MYO10: variants seen among roughly 807,000 people sequenced by gnomAD.
MYO10 encodes the protein myosin X, also known as unconventional myosin-X.
In MYO10, 133 loss-of-function variants were observed where a neutral mutation model predicts 257.3. That is an observed-to-expected ratio of 0.52 (90% CI 0.45 to 0.60). The LOEUF is 0.60. MYO10 is among the 20% of genes least tolerant of loss of function. The pLI, the probability that MYO10 is intolerant of heterozygous loss-of-function variation, is 0.00. For missense variants in MYO10, 2,399 were observed against 2,635.7 expected (o/e 0.91, Z 1.97); for synonymous variants, 1,104 against 1,028.6 (o/e 1.07, Z -1.40).
intron 2 of MYO10, among the ~76,000 whole-genome samples, chr5:16,852,678 A>G (rs1285762980): frequency 6.6e-6 from 1 of 151,838 alleles, no homozygotes; most frequent in Non-Finnish European, 1.5e-5. Flanking sequence ...CATACATGAG[A>G]AGCCCTCTTT....
intron 6 of MYO10, 29 bp from the exon 7 acceptor site, chr5:16,780,770 G>A (rs1209808613): frequency 1.3e-6 from 2 of 1,560,858 alleles, no homozygotes; most frequent in Middle Eastern, 2.1e-4. Flanking sequence ...GGCAAGTCAA[G>A]GAAAAAAACA....
intron 33 of MYO10, 70 bp downstream of exon 33, chr5:16,679,877 G>C (rs962284087): frequency 3.9e-6 from 6 of 1,549,668 alleles, no homozygotes; most frequent in Admixed American, 3.7e-5. Context: ...CTAATGCTGA[G>C]GTCTTGGTGC....
At chr5:16,797,161 T>C (rs979861552) in intron 3 of MYO10, among the ~76,000 whole-genome samples, 1 of 152,230 alleles carries the variant, frequency 6.6e-6, no homozygotes, top group African/African-American at 2.4e-5. Context: ...TGAGTATCAC[T>C]AATCCGAAAA....
chr5:16,681,870 CCT>C lies in MYO10; in HGVS notation c.4188_4189del (p.Gly1397MetfsTer58). ...ACCGAGGAAGCAGGGCAGGCAGTCA[CCT>C]CTCACGATGAATTCCTGGCCCTCCA... On this transcript the variant is annotated frameshift_variant and splice_region_variant, in exon 31 of 41. Transcript: ENST00000513610. LOFTEE classifies it high-confidence loss of function. The C allele has an allele frequency of 6.2e-7, 1 of 1,613,692 alleles. No homozygotes were observed. Among genetic ancestry groups the C allele is most frequent in the East Asian group, 2.2e-5 (1 of 44,880 alleles).
At chr5:16,847,861 C>A (rs189001906) in intron 2 of MYO10, among the ~76,000 whole-genome samples, 1 of 152,016 alleles carries the variant, frequency 6.6e-6, no homozygotes, top group Admixed American at 6.6e-5. Flanking sequence ...ATAGCCACTG[C>A]GCTCCAGTCT....
At chr5:16,760,657 A>G (rs1262032624) in intron 17 of MYO10, among the ~76,000 whole-genome samples, 2 of 152,168 alleles carry the variant, frequency 1.3e-5, no homozygotes, top group Non-Finnish European at 2.9e-5. Context: ...TTTACTAACT[A>G]GAGACACAGG....
At chr5:16,815,959 A>T (rs148452033) in intron 3 of MYO10, among the ~76,000 whole-genome samples, 77 of 151,210 alleles carry the variant, frequency 5.1e-4, no homozygotes, top group African/African-American at 1.7e-3. Context: ...AGACAGCATG[A>T]TTGAATTTCT....
At chr5:16,747,283 C>T (rs1740222554) in intron 19 of MYO10, among the ~76,000 whole-genome samples, 1 of 152,136 alleles carries the variant, frequency 6.6e-6, no homozygotes, top group African/African-American at 2.4e-5. Flanking sequence ...CCTCCAGCTA[C>T]ACAAATCAAA....
intron 4 of MYO10, among the ~76,000 whole-genome samples, chr5:16,794,214 G>A (rs1741858534): frequency 6.6e-6 from 1 of 151,910 alleles, no homozygotes; most frequent in South Asian, 2.1e-4. Flanking sequence ...TATTGCAGTA[G>A]AGAAAAAAGA....
intron 19 of MYO10, among the ~76,000 whole-genome samples, chr5:16,717,770 G>A (rs1198233582): frequency 2.0e-5 from 3 of 152,152 alleles, no homozygotes; most frequent in Non-Finnish European, 4.4e-5. Context: ...ATCTCATACT[G>A]AGAGGTGACA....
At chr5:16,786,814 T>C (rs1741593963) in intron 4 of MYO10, among the ~76,000 whole-genome samples, 1 of 151,948 alleles carries the variant, frequency 6.6e-6, no homozygotes, top group South Asian at 2.1e-4. Context: ...CATATTAGAA[T>C]CACCTAATAG....
intron 1 of MYO10, among the ~76,000 whole-genome samples, chr5:16,925,163 T>C (rs1456732410): frequency 6.6e-6 from 1 of 151,994 alleles, no homozygotes; most frequent in South Asian, 2.1e-4. Flanking sequence ...TAGCAAAAGT[T>C]TCCCAAAACC....
rs1736075634 is a variant in MYO10 at position 16,664,352 on chromosome 5, A to G, written c.*2340T>C. ...CCAGAGTAAATTAAGTCACAGAGGG[A>G]ATCCTGAGAGGTGAGCAGTAGAAAG... On this transcript the variant is annotated 3_prime_UTR_variant, in exon 41 of 41. Transcript: ENST00000513610. 2 of 152,310 alleles carry G rather than the reference A, an allele frequency of 1.3e-5. No individual in the cohort carries two copies. Among genetic ancestry groups the G allele is most frequent in the East Asian group, 1.9e-4 (1 of 5,190 alleles). 9.4% of individuals were successfully genotyped at this position (152,310 alleles called of 1,614,324 possible).
At chr5:16,934,330 T>A (rs947930872) in intron 1 of MYO10, among the ~76,000 whole-genome samples, 3 of 152,244 alleles carry the variant, frequency 2.0e-5, no homozygotes, top group Non-Finnish European at 4.4e-5. Context: ...TACAAATTTC[T>A]ATATTTTCAT....
Position 16,685,643 on chromosome 5 carries a change from G to A in MYO10, c.3990+95C>T. The A allele has an allele frequency of 3.2e-6, 3 of 945,510 alleles. No homozygotes were observed. In the South Asian group the frequency reaches 4.4e-5, roughly 14 times the overall value. The allele number at this position is 945,510 out of a possible 1,614,324, so 58.6% of individuals were successfully genotyped here. A position where few individuals can be genotyped will look rare whatever the true frequency, so the allele number is the denominator to read the frequency against. On this transcript the variant is annotated intron_variant, in intron 29 of 40. Coordinates refer to ENST00000513610, the MANE Select transcript of MYO10 (RefSeq NM_012334.3). ...TTTACCTTTTAAAAAAAGACTGTCT[G>A]GAAATTCCCAATCTTTCCCTTTTTT... is the stretch of plus-strand genomic sequence containing the variant.
At chr5:16,878,048 A>G (rs920257421) in intron 1 of MYO10, among the ~76,000 whole-genome samples, 3 of 152,234 alleles carry the variant, frequency 2.0e-5, no homozygotes, top group Admixed American at 1.3e-4. Flanking sequence ...ATGGAGAACC[A>G]GAGGCCTAGA....
chr5:16,679,312 G>A (rs1406929821), intron 33 of MYO10, among the ~76,000 whole-genome samples: 2 of 152,120 alleles, frequency 1.3e-5, no homozygotes, highest in Non-Finnish European at 2.9e-5. Context: ...CCCCACGCAG[G>A]TCACCACATC....
intron 19 of MYO10, among the ~76,000 whole-genome samples, chr5:16,726,380 C>A (rs1319923673): frequency 6.6e-6 from 1 of 152,174 alleles, no homozygotes; most frequent in East Asian, 1.9e-4. Flanking sequence ...AGAGGAATAA[C>A]AAAAGCTATC....
At chr5:16,828,107 C>T (rs976421963) in intron 2 of MYO10, among the ~76,000 whole-genome samples, 6 of 152,080 alleles carry the variant, frequency 3.9e-5, no homozygotes, top group South Asian at 4.2e-4. Context: ...CGAATGTATA[C>T]GGTAAAGGCA....
Sources: gnomAD v4.1 joint callset for allele counts (sites outside exome capture counted in the v4.1 genomes callset) on GRCh38, gnomAD v4.1.1 for gene constraint, MANE v1.5 for transcripts, NCBI Gene and HGNC (gene_info 2026-07-23, HGNC 2026-07-21) for gene names.